The following VKORC1L1 variants were observed in gnomAD, a reference collection of about 807,000 sequenced individuals.
VKORC1L1 encodes the protein vitamin K epoxide reductase complex subunit 1L1, also known as vitamin K epoxide reductase complex subunit 1-like protein 1.
Under a neutral mutation model 18.9 loss-of-function variants are expected in VKORC1L1, and 2 were observed. The ratio of observed to expected loss-of-function variants is 0.11; its 90% CI spans 0.04 to 0.33. The LOEUF is 0.33. Ranked by LOEUF, VKORC1L1 falls within the 10% of genes least tolerant of loss-of-function variation. VKORC1L1 has a pLI of 1.00. For missense variants in VKORC1L1, 123 were observed against 224.1 expected (o/e 0.55, Z 2.88); for synonymous variants, 96 against 100.0 (o/e 0.96, Z 0.24).
intron 1 of VKORC1L1, among the ~76,000 whole-genome samples, chr7:65,935,380 G>A (rs1431013396): frequency 6.6e-6 from 1 of 151,948 alleles, no homozygotes; most frequent in Non-Finnish European, 1.5e-5. Context: ...CGTGATCTTG[G>A]CTCACTGCAA....
chr7:65,887,242 C>T (rs946328771), intron 1 of VKORC1L1, among the ~76,000 whole-genome samples: 6 of 152,064 alleles, frequency 3.9e-5, no homozygotes, highest in Non-Finnish European at 7.4e-5. Context: ...ACTGTTAATT[C>T]ATAACAGTTT....
At chr7:65,913,485 G>A (rs1789535730) in intron 1 of VKORC1L1, among the ~76,000 whole-genome samples, 1 of 151,942 alleles carries the variant, frequency 6.6e-6, no homozygotes, top group African/African-American at 2.4e-5. Context: ...CCATACTTTG[G>A]GAGGTCGAGG....
At chr7:65,907,976 T>G (rs1480733305) in intron 1 of VKORC1L1, among the ~76,000 whole-genome samples, 4 of 152,226 alleles carry the variant, frequency 2.6e-5, no homozygotes, top group Non-Finnish European at 5.9e-5. Flanking sequence ...CTTTGATTAC[T>G]TACTGGGAAA....
chr7:65,907,172 G>A (rs558723886), intron 1 of VKORC1L1, among the ~76,000 whole-genome samples: 1 of 152,286 alleles, frequency 6.6e-6, no homozygotes, highest in Non-Finnish European at 1.5e-5. Context: ...AGGCTCGGTG[G>A]CTCATGCCTG....
chr7:65,929,585 A>AGTTTCTTCACTTTTCTG (rs1789822662), intron 1 of VKORC1L1, among the ~76,000 whole-genome samples: 1 of 150,488 alleles, frequency 6.6e-6, no homozygotes, highest in Admixed American at 6.7e-5. Flanking sequence ...CGGCTTTTCT[A>AGTTTCTTCACTTTTCTG]GTTTCTTCAC....
intron 1 of VKORC1L1, among the ~76,000 whole-genome samples, chr7:65,899,317 T>G (rs961184133): frequency 1.3e-5 from 2 of 152,198 alleles, no homozygotes; most frequent in African/African-American, 4.8e-5. Context: ...ATCCACCTCT[T>G]TATCCCAGGA....
intron 1 of VKORC1L1, among the ~76,000 whole-genome samples, chr7:65,894,010 A>G (rs1029958368): frequency 1.3e-4 from 19 of 151,782 alleles, no homozygotes; most frequent in African/African-American, 4.8e-5. Flanking sequence ...GCTGGAGTGC[A>G]ATGGTGCGAT....
At chr7:65,879,816 TCTTTC>T (rs1449173571) in intron 1 of VKORC1L1, among the ~76,000 whole-genome samples, 2 of 151,722 alleles carry the variant, frequency 1.3e-5, no homozygotes, top group Non-Finnish European at 2.9e-5. Context: ...CTTTTCTTTT[TCTTTC>T]CTTTCCTTTT....
upstream of VKORC1L1, among the ~76,000 whole-genome samples, chr7:65,868,682 G>A (rs1450888295): frequency 6.6e-6 from 1 of 152,224 alleles, no homozygotes; most frequent in Non-Finnish European, 1.5e-5. Context: ...ACTGTGGATA[G>A]AACTGGAGGC....
chr7:65,889,663 T>C lies in VKORC1L1; in HGVS notation c.194+16098T>C, dbSNP rs187970548. ...ACTCCAGAAAGCCCTCCCTTAACTT[T>C]CCCCTAGTCAACTATATGCGTCCCC... is the stretch of plus-strand genomic sequence containing the variant. On this transcript the variant is annotated intron_variant, in intron 1 of 2. Coordinates refer to ENST00000360768, the MANE Select transcript of VKORC1L1 (RefSeq NM_173517.6). Among the ~76,000 whole-genome samples, 59 of 152,222 alleles carry C rather than the reference T, an allele frequency of 3.9e-4. No individual in the cohort carries two copies. The East Asian group carries it at 6.2e-3, about 16-fold the overall frequency.
At chr7:65,893,538 A>G (rs1375927403) in intron 1 of VKORC1L1, among the ~76,000 whole-genome samples, 1 of 152,156 alleles carries the variant, frequency 6.6e-6, no homozygotes, top group African/African-American at 2.4e-5. Flanking sequence ...GGGAGACTCT[A>G]TCTCAAAAAA....
intron 2 of VKORC1L1, among the ~76,000 whole-genome samples, chr7:65,951,572 A>G (rs567037405): frequency 2.2e-4 from 33 of 146,674 alleles, no homozygotes; most frequent in African/African-American, 7.0e-4. Context: ...AGACTCCTTC[A>G]GGAAAAAAAA....
intron 1 of VKORC1L1, among the ~76,000 whole-genome samples, chr7:65,902,333 C>T (rs1235200056): frequency 4.6e-5 from 7 of 151,876 alleles, no homozygotes. Context: ...TTAAAAAGAC[C>T]CAAACAGAAC....
intron 1 of VKORC1L1, among the ~76,000 whole-genome samples, chr7:65,907,903 CAA>C: frequency 6.6e-6 from 1 of 151,212 alleles, no homozygotes; most frequent in East Asian, 1.9e-4. Flanking sequence ...TTTCCCGTAT[CAA>C]AGACAACAGT....
intron 1 of VKORC1L1, among the ~76,000 whole-genome samples, chr7:65,937,953 ATCCCAG>A (rs1345229413): frequency 3.9e-5 from 6 of 152,174 alleles, no homozygotes; most frequent in Non-Finnish European, 7.3e-5. Context: ...CGTGTCTGTA[ATCCCAG>A]CACATTGGGA....
intron 1 of VKORC1L1, among the ~76,000 whole-genome samples, chr7:65,895,813 A>G (rs1047704522): frequency 2.6e-5 from 4 of 151,402 alleles, no homozygotes; most frequent in African/African-American, 9.7e-5. Context: ...TGTGATGAAA[A>G]TAGTGAATTC....
intron 1 of VKORC1L1, among the ~76,000 whole-genome samples, chr7:65,941,125 C>A (rs535687482): frequency 2.6e-5 from 4 of 151,928 alleles, no homozygotes; most frequent in Non-Finnish European, 4.4e-5. Flanking sequence ...TTTTTCTTTT[C>A]TTTTAAGACA....
chr7:65,934,143 C>G (rs1162733479), intron 1 of VKORC1L1, among the ~76,000 whole-genome samples: 1 of 152,022 alleles, frequency 6.6e-6, no homozygotes, highest in African/African-American at 2.4e-5. Flanking sequence ...TGCCTGTAAT[C>G]CCAGCACTTT....
At position 65,873,422 on chromosome 7, in the gene VKORC1L1, G is replaced by C. The variant is rs773728036; in HGVS notation, c.51G>C (p.Val17=). 1 of 1,580,990 alleles carries C rather than the reference G, an allele frequency of 6.3e-7. No individual in the cohort carries two copies. The highest frequency in any genetic ancestry group is 1.1e-5 in the South Asian group (1 of 89,590). ...TGTCGGTGCCGCGGTGGGAGCGGGT[G>C]GCCCGGTATGCAGTGTGCGCTGCCG... ...LRVSVPRWER[V]ARYAVCAAGI... Residue 17 remains valine, a synonymous_variant, in exon 1 of 3, where the codon GTG becomes GTC. Coordinates refer to ENST00000360768, the MANE Select transcript of VKORC1L1 (RefSeq NM_173517.6).
Sources: allele counts gnomAD v4.1 joint callset (sites outside exome capture counted in the v4.1 genomes callset), GRCh38; gene constraint gnomAD v4.1.1; transcripts MANE v1.5; gene names NCBI Gene and HGNC (gene_info 2026-07-23, HGNC 2026-07-21).